The following LAMC3 variants were observed in gnomAD, a reference collection of about 807,000 sequenced individuals.
The protein encoded by LAMC3 is laminin subunit gamma 3.
LAMC3 carries 128 observed loss-of-function variants against 173.8 expected under a neutral mutation model. The observed-to-expected ratio is 0.74, with a 90% CI of 0.64 to 0.85. The LOEUF is 0.85. LAMC3 is among the 40% of genes least tolerant of loss of function. LAMC3 has a pLI of 0.00. For missense variants in LAMC3, 2,022 were observed against 2,156.0 expected, an observed-to-expected ratio of 0.94 and a Z score of 1.23; for synonymous variants, 897 against 909.1, an observed-to-expected ratio of 0.99 and a Z score of 0.24.
At chr9:131,083,226 A>G (rs1458427489) in intron 24 of LAMC3, among the ~76,000 whole-genome samples, 1 of 152,140 alleles carries the variant, frequency 6.6e-6, no homozygotes, top group African/African-American at 2.4e-5. Context: ...GGGGCTCACT[A>G]CCTTACAAGC....
At chr9:131,021,827 A>G (rs922958324) in intron 1 of LAMC3, among the ~76,000 whole-genome samples, 1 of 152,180 alleles carries the variant, frequency 6.6e-6, no homozygotes, top group Non-Finnish European at 1.5e-5. Context: ...AGGGTAACAC[A>G]TTGACTGGTT....
intron 8 of LAMC3, among the ~76,000 whole-genome samples, chr9:131,048,095 C>T (rs1834208135): frequency 8.7e-6 from 1 of 115,310 alleles, no homozygotes; most frequent in Non-Finnish European, 1.6e-5. Context: ...CTTGCTCTGT[C>T]ACCCAGGCTG....
intron 12 of LAMC3, among the ~76,000 whole-genome samples, chr9:131,057,551 G>T (rs531613997): frequency 6.6e-6 from 1 of 152,340 alleles, no homozygotes; most frequent in East Asian, 1.9e-4. Flanking sequence ...GTGACAGCAG[G>T]AGGGTTCTCA....
chr9:131,009,406 C>T lies in LAMC3; in HGVS notation c.192C>T (p.His64=), dbSNP rs1053503554. The change falls in exon 1 of 28, where the codon CAC becomes CAT. Residue 64 remains histidine, a synonymous_variant. Transcript: ENST00000361069. This position sits in a 1 kb window ranked among gnomAD's most constrained non-coding sequence, Gnocchi z 4.3. ...CGSPPEDFCP[H]VGAAGAGAHC... is the part of the protein sequence containing the mutation. ...GCCCGCCCGAGGACTTCTGTCCCCA[C>T]GTGGGCGCCGCGGGCGCGGGGGCTC... 6.5e-6 allele frequency: 10 copies of T among 1,539,742 alleles called. No individual in the cohort carries two copies. The highest frequency in any genetic ancestry group is 2.8e-5 in the African/African-American group (2 of 72,662).
chr9:131,031,922 C>T (rs1833831152), intron 2 of LAMC3, 123 bp from the exon 3 acceptor site: 3 of 1,558,646 alleles, frequency 1.9e-6, no homozygotes, highest in East Asian at 2.2e-5. Flanking sequence ...TTGGCCTGAG[C>T]TCGGCCTGTT....
At chr9:131,089,109 G>A (rs180991992) in intron 27 of LAMC3, among the ~76,000 whole-genome samples, 1 of 147,130 alleles carries the variant, frequency 6.8e-6, no homozygotes, top group East Asian at 2.0e-4. Context: ...TAGAATCATA[G>A]GTGGGAATTG....
chr9:131,010,670 A>G (rs532821337), intron 1 of LAMC3, among the ~76,000 whole-genome samples: 1 of 152,372 alleles, frequency 6.6e-6, no homozygotes, highest in African/African-American at 2.4e-5. Context: ...ATCACTGCAC[A>G]GGCAAAGTTT....
Position 131,049,025 on chromosome 9 carries a change from GA to G in LAMC3, c.1527del (p.Gly510AlafsTer23). The G allele has an allele frequency of 6.5e-7, 1 of 1,548,354 alleles. No individual in the cohort carries two copies. Among genetic ancestry groups the G allele is most frequent in the Non-Finnish European group, 8.7e-7 (1 of 1,144,466 alleles). On this transcript the variant is annotated frameshift_variant, in exon 9 of 28. Coordinates refer to ENST00000361069, the MANE Select transcript of LAMC3 (RefSeq NM_006059.4). LOFTEE classifies it high-confidence loss of function. ...TGTCTGTGTTTGCTGTCTAGGAGCC[GA>G]AGGCTGGTGGGCCAGAAGTGTGGGG... Reference protein sequence around the residue: ...HILSDFHQGAEGWWARSVGGS... With the variant: ...HILSDFHQGAXGWWARSVGGS...
Position 131,061,197 on chromosome 9 carries a change from G to T in LAMC3, c.2321G>T (p.Cys774Phe). 1 of 1,609,312 alleles carries T rather than the reference G, an allele frequency of 6.2e-7. No individual in the cohort carries two copies. ...TTIPESREVV[C>F]THCPPGQRGR... The stretch of plus-strand genomic sequence containing the variant: ...ATCCCAGAGAGCCGGGAGGTGGTGT[G>T]TACCCACTGCCCCCCGGGCCAGAGA... The change falls in exon 13 of 28, where the codon TGT (cysteine) becomes TTT (phenylalanine). Residue 774 changes from cysteine (C) to phenylalanine (F), a missense_variant. Cys to Phe is a radical substitution (Grantham distance 205). Coordinates refer to ENST00000361069, the MANE Select transcript of LAMC3 (RefSeq NM_006059.4).
rs142398099 is a variant in LAMC3 at position 131,009,652 on chromosome 9, T to A, written c.373+65T>A. ...CCCCACTCCACTGGGGGTCTGAGGC[T>A]GAGGCCTGAGCTGCTGTGCGCCCAG... On this transcript the variant is annotated intron_variant, in intron 1 of 27. Coordinates refer to ENST00000361069, the MANE Select transcript of LAMC3 (RefSeq NM_006059.4). The surrounding 1 kb of genome is among the most constrained non-coding windows in gnomAD (Gnocchi z 4.3). 1.3e-6 allele frequency: 2 copies of A among 1,531,596 alleles called. No homozygotes were observed. Among genetic ancestry groups the A allele is most frequent in the African/African-American group, 2.8e-5 (2 of 72,720 alleles). 94.9% of individuals were successfully genotyped at this position (1,531,596 alleles called of 1,614,324 possible). A position where few individuals can be genotyped will look rare whatever the true frequency, so the allele number is the denominator to read the frequency against.
intron 2 of LAMC3, 96 bp from the exon 3 acceptor site, chr9:131,031,949 T>TG: frequency 6.2e-7 from 1 of 1,608,528 alleles, no homozygotes; most frequent in Non-Finnish European, 8.5e-7. Flanking sequence ...TCCCAGGAGC[T>TG]CCCGGGGCAG....
At chr9:131,064,589 G>A (rs578080966) in intron 13 of LAMC3, among the ~76,000 whole-genome samples, 3 of 152,050 alleles carry the variant, frequency 2.0e-5, no homozygotes, top group South Asian at 2.1e-4. Context: ...CGTGAACCCC[G>A]GGGGGCGGAG....
chr9:131,057,076 C>T lies in LAMC3; in HGVS notation c.2087C>T (p.Pro696Leu), dbSNP rs867124968. ...GCTCCGGGATACAAGAGGGAGATGC[C>T]ACAGGGGGGTCCCTATGCCAGCTGT... ...SCAPGYKREM[P>L]QGGPYASCVP... The change falls in exon 12 of 28, where the codon CCA becomes CTA. Residue 696 changes from proline (P) to leucine (L), a missense_variant. By Grantham distance (98) the Pro-to-Leu change is moderately conservative. Coordinates refer to ENST00000361069, the MANE Select transcript of LAMC3 (RefSeq NM_006059.4). 1.2e-6 allele frequency: 2 copies of T among 1,614,178 alleles called. No individual in the cohort carries two copies. Among genetic ancestry groups the T allele is most frequent in the South Asian group, 2.2e-5 (2 of 91,090 alleles).
Position 131,038,041 on chromosome 9 carries a change from G to A in LAMC3, c.977-823G>A, listed in dbSNP as rs117899745. 1.5e-3 allele frequency among the ~76,000 whole-genome samples: 229 copies of A among 152,256 alleles called. 3 individuals are homozygous for A. Among genetic ancestry groups the A allele is most frequent in the South Asian group, 3.5e-3 (17 of 4,824 alleles). On this transcript the variant is annotated intron_variant, in intron 4 of 27. Transcript: ENST00000361069. ...TCATGGCACACCCGCACCAGGCCAC[G>A]CGTCTGTCTCTGCATGTGGGGTATC... is the stretch of plus-strand genomic sequence containing the variant.
At chr9:131,010,999 T>C (rs1261987326) in intron 1 of LAMC3, among the ~76,000 whole-genome samples, 1 of 152,244 alleles carries the variant, frequency 6.6e-6, no homozygotes, top group African/African-American at 2.4e-5. Flanking sequence ...TCCCTTATCT[T>C]CGAGGTCAGC....
At chr9:131,056,835 G>T in intron 11 of LAMC3, 94 bp from the exon 12 acceptor site, 1 of 893,468 alleles carries the variant, frequency 1.1e-6, no homozygotes, top group Non-Finnish European at 1.9e-6. Context: ...TATATACGTG[G>T]GCCTGGTCCA....
Position 131,049,024 on chromosome 9 carries a change from C to G in LAMC3, c.1524C>G (p.Ala508=), listed in dbSNP as rs753711099. 1.3e-6 allele frequency: 2 copies of G among 1,547,578 alleles called. No homozygotes were observed. The highest frequency in any genetic ancestry group is 1.2e-5 in the South Asian group (1 of 83,970). ...GTGTCTGTGTTTGCTGTCTAGGAGC[C>G]GAAGGCTGGTGGGCCAGAAGTGTGG... ...HHILSDFHQG[A]EGWWARSVGG... Residue 508 remains alanine, a synonymous_variant, in exon 9 of 28, where the codon GCC becomes GCG. Coordinates refer to ENST00000361069, the MANE Select transcript of LAMC3 (RefSeq NM_006059.4).
intron 25 of LAMC3, among the ~76,000 whole-genome samples, chr9:131,086,574 A>ATTTTTTTTTTT (rs1564157417): frequency 4.5e-5 from 1 of 22,054 alleles, no homozygotes. Flanking sequence ...TGCCTGGCTA[A>ATTTTTTTTTTT]CTTTTTTTTT....
chr9:131,073,389 C>A, intron 20 of LAMC3, 68 bp downstream of exon 20: 1 of 1,156,930 alleles, frequency 8.6e-7, no homozygotes, highest in African/African-American at 1.5e-5. Flanking sequence ...CAGAGTCAGC[C>A]CCACAGGTGC....
Sources: gnomAD v4.1 joint callset for allele counts (sites outside exome capture counted in the v4.1 genomes callset) on GRCh38, gnomAD v4.1.1 for gene constraint, Gnocchi (gnomAD v3.1) non-coding constraint, MANE v1.5 for transcripts, NCBI Gene and HGNC (gene_info 2026-07-23, HGNC 2026-07-21) for gene names.